The following DCLRE1A variants were observed in gnomAD, a reference collection of about 807,000 sequenced individuals.
DCLRE1A encodes the protein DNA cross-link repair 1A.
In DCLRE1A, 64 loss-of-function variants were observed where a neutral mutation model predicts 91.9. The ratio of observed to expected loss-of-function variants is 0.70; its 90% CI spans 0.57 to 0.86. DCLRE1A has a LOEUF of 0.86. DCLRE1A is among the 40% of genes least tolerant of loss of function. The pLI, the probability that DCLRE1A is intolerant of heterozygous loss-of-function variation, is 0.00. For synonymous variants in DCLRE1A, 416 were observed against 431.1 expected (o/e 0.96, Z 0.43); for missense variants, 1,145 against 1,213.3 (o/e 0.94, Z 0.84).
At chr10:113,842,300 CT>C in intron 6 of DCLRE1A, 42 bp downstream of exon 6, 1 of 1,499,452 alleles carries the variant, frequency 6.7e-7, no homozygotes, top group Middle Eastern at 1.9e-4. Flanking sequence ...AGAATCTGAT[CT>C]TTATAATATA....
At chr10:113,848,268 G>A (rs1845574783) in intron 2 of DCLRE1A, among the ~76,000 whole-genome samples, 1 of 152,108 alleles carries the variant, frequency 6.6e-6, no homozygotes. Context: ...AGTGAGCTGA[G>A]ATCGCGCCAC....
Position 113,847,239 on chromosome 10 carries a change from A to G in DCLRE1A, c.2222T>C (p.Leu741Ser). 2 of 1,613,572 alleles carry G rather than the reference A, an allele frequency of 1.2e-6. No individual in the cohort carries two copies. The highest frequency in any genetic ancestry group is 1.7e-6 in the Non-Finnish European group (2 of 1,179,632). ...THFHSDHYAG[L>S]SKHFTFPVYC... Reference sequence around the variant, plus strand: ...AACTGGAAATGTGAAGTGTTTAGACAATCCAGCATAATGATCAGAATGAAA... The same window carrying G: ...AACTGGAAATGTGAAGTGTTTAGACGATCCAGCATAATGATCAGAATGAAA... Residue 741 changes from leucine (L) to serine (S), a missense_variant, in exon 3 of 9, where the codon TTG becomes TCG. Transcript: ENST00000361384.
In DCLRE1A at chr10:113,850,295, TA is replaced by T. The variant is rs779479689; in HGVS notation, c.809del (p.Leu270GlnfsTer15). On this transcript the variant is annotated frameshift_variant, in exon 2 of 9. Coordinates refer to ENST00000361384, the MANE Select transcript of DCLRE1A (RefSeq NM_014881.5). LOFTEE classifies it high-confidence loss of function. ...QFTDFVENDK[L>X]VGVALRLANN... ...TTGCAAGACGCAAAGCAACTCCCAC[TA>T]GTTTGTCATTCTCAACAAAATCTGT... 6 of 1,614,202 alleles carry T rather than the reference TA, an allele frequency of 3.7e-6. No homozygotes were observed. The highest frequency in any genetic ancestry group is 5.1e-6 in the Non-Finnish European group (6 of 1,180,038).
chr10:113,843,005 T>TA (rs1491503022), intron 5 of DCLRE1A, among the ~76,000 whole-genome samples: 1 of 143,934 alleles, frequency 6.9e-6, no homozygotes, highest in African/African-American at 2.6e-5. Context: ...ATACTATGTG[T>TA]ATATATATGT....
chr10:113,842,883 TA>T (rs1206561852), intron 5 of DCLRE1A, among the ~76,000 whole-genome samples: 1 of 152,012 alleles, frequency 6.6e-6, no homozygotes, highest in African/African-American at 2.4e-5. Flanking sequence ...AGACTGTCAA[TA>T]AAAAATGATT....
intron 1 of DCLRE1A, among the ~76,000 whole-genome samples, chr10:113,851,811 G>C (rs1406401038): frequency 6.7e-6 from 1 of 150,128 alleles, no homozygotes; most frequent in Middle Eastern, 3.4e-3. Context: ...CTACAGCCTC[G>C]ACCTCTTGGG....
chr10:113,836,372 T>C (rs1465797050), intron 8 of DCLRE1A, among the ~76,000 whole-genome samples: 1 of 151,828 alleles, frequency 6.6e-6, no homozygotes, highest in East Asian at 1.9e-4. Context: ...TTCAGGAAAA[T>C]ATGGAAGAAA....
At chr10:113,841,629 A>G (rs759805611) in intron 6 of DCLRE1A, 69 bp from the exon 7 acceptor site, 6 of 1,469,830 alleles carry the variant, frequency 4.1e-6, no homozygotes, top group Admixed American at 2.4e-5. Flanking sequence ...AGCTTAAGCA[A>G]ATTTTAAGGT....
Position 113,842,507 on chromosome 10 carries a change from G to A in DCLRE1A, c.2520-19C>T, listed in dbSNP as rs199662781. Reference sequence around the variant, plus strand: ...ACAATATCTGTGGTATGGAAACATGGTACTTACTAAAAGAACAATAAAAAA... The same window carrying A: ...ACAATATCTGTGGTATGGAAACATGATACTTACTAAAAGAACAATAAAAAA... On this transcript the variant is annotated intron_variant, in intron 5 of 8. Coordinates refer to ENST00000361384, the MANE Select transcript of DCLRE1A (RefSeq NM_014881.5). The A allele has an allele frequency of 1.9e-4, 309 of 1,603,890 alleles. 1 individual carries two copies. The African/African-American group carries it at 3.8e-3, about 20-fold the overall frequency.
At chr10:113,854,347 G>T (rs1368906477), upstream of DCLRE1A, 1 of 152,322 alleles carries the variant, frequency 6.6e-6, no homozygotes, top group East Asian at 1.9e-4. Context: ...ATCCCTACCC[G>T]CTTTACCTTT....
Position 113,847,314 on chromosome 10 carries a change from G to C in DCLRE1A, c.2147C>G (p.Ala716Gly), listed in dbSNP as rs960905057. ...KIPGTGFTVDAFQYGVVEGCT... is the reference protein window; with the variant it reads ...KIPGTGFTVDGFQYGVVEGCT... ...ACCTTCAACCACGCCATACTGAAAG[G>C]CATCAACTGTAAAGCCGGTTCCTGC... The change falls in exon 3 of 9, where the codon GCC (alanine) becomes GGC (glycine). Residue 716 changes from alanine (A) to glycine (G), a missense_variant. By Grantham distance (60) the Ala-to-Gly change is moderately conservative. Transcript: ENST00000361384. 6.2e-7 allele frequency: 1 copy of C among 1,613,770 alleles called. No homozygotes were observed.
rs1378091183 is a variant in DCLRE1A at position 113,853,118 on chromosome 10, A to C, written c.65T>G (p.Val22Gly). 6.3e-7 allele frequency: 1 copy of C among 1,598,312 alleles called. No individual in the cohort carries two copies. Residue 22 changes from valine to glycine, a missense_variant, in exon 1 of 9, where the codon GTT becomes GGT. Transcript: ENST00000361384. ...ATTTTTAGAGCCATTATTTGGATCA[A>C]CTCGTTTTGGTTTTCTTTTAGATTT... ...EYKSKRKPKRVDPNNGSKNIL... is the reference protein window; with the variant it reads ...EYKSKRKPKRGDPNNGSKNIL...
chr10:113,837,105 T>C lies in DCLRE1A; in HGVS notation c.2919A>G (p.Ile973Met). 6.2e-7 allele frequency: 1 copy of C among 1,612,938 alleles called. No homozygotes were observed. Among genetic ancestry groups the C allele is most frequent in the South Asian group, 1.1e-5 (1 of 90,812 alleles). The change falls in exon 8 of 9, where the codon ATA becomes ATG. Residue 973 changes from isoleucine (I) to methionine (M), a missense_variant. Ile to Met is a conservative substitution (Grantham distance 10, BLOSUM62 1). Coordinates refer to ENST00000361384, the MANE Select transcript of DCLRE1A (RefSeq NM_014881.5). ...GWTHSNKFTRIADVIPQTKGN... is the reference protein window; with the variant it reads ...GWTHSNKFTRMADVIPQTKGN... Reference sequence around the variant, plus strand: ...CTTTGGTCTGGGGAATAACATCTGCTATTCTAGTGAACTTGTTAGAGTGTG... The same window carrying C: ...CTTTGGTCTGGGGAATAACATCTGCCATTCTAGTGAACTTGTTAGAGTGTG...
intron 8 of DCLRE1A, among the ~76,000 whole-genome samples, chr10:113,835,673 G>A (rs1429843780): frequency 2.6e-5 from 4 of 152,096 alleles, no homozygotes; most frequent in East Asian, 3.9e-4. Flanking sequence ...GGTGGCTCAC[G>A]CCTGTAATCC....
In DCLRE1A at chr10:113,849,456, G is replaced by C; in HGVS notation, c.1649C>G (p.Ser550Cys). Residue 550 changes from serine to cysteine, a missense_variant, in exon 2 of 9, where the codon TCT (serine) becomes TGT (cysteine). Transcript: ENST00000361384. ...SGLKYNARHP[S>C]TKVMKQMDIG... ...ATCCATTTGCTTCATTACCTTGGTA[G>C]AAGGATGTCTTGCATTATACTTAAG... The C allele has an allele frequency of 6.2e-7, 1 of 1,614,124 alleles. No homozygotes were observed. Among genetic ancestry groups the C allele is most frequent in the Non-Finnish European group, 8.5e-7 (1 of 1,180,020 alleles).
Position 113,850,565 on chromosome 10 carries a change from G to A in DCLRE1A, c.540C>T (p.Ser180=), listed in dbSNP as rs779459921. The change falls in exon 2 of 9, where the codon AGC becomes AGT. Residue 180 remains serine (S), a synonymous_variant. Transcript: ENST00000361384. ...TGCTAAAAGGATGATCACCAGCCCTGCTTTGAGCTAGCAGGAAGTGAGTGT... is the reference window on the plus strand; with the variant it reads ...TGCTAAAAGGATGATCACCAGCCCTACTTTGAGCTAGCAGGAAGTGAGTGT... ...KRYTHFLLAQ[S]RAGDHPFSSP... is the part of the protein sequence containing the mutation. 6.2e-7 allele frequency: 1 copy of A among 1,614,090 alleles called. No homozygotes were observed. The highest frequency in any genetic ancestry group is 1.1e-5 in the South Asian group (1 of 91,050).
At position 113,852,892 on chromosome 10, in the gene DCLRE1A, A is replaced by G; in HGVS notation, c.291T>C (p.Thr97=). Reference sequence around the variant, plus strand: ...TTTGAGTTCTACAGAGTTTTCCTGGAGTAGTTTCCTTGTCTTGGGTCTGCT... The same window carrying G: ...TTTGAGTTCTACAGAGTTTTCCTGGGGTAGTTTCCTTGTCTTGGGTCTGCT... The part of the protein sequence containing the change: ...GIQQTQDKET[T]PGKLCRTQKS... Residue 97 remains threonine (T), a synonymous_variant, in exon 1 of 9, where the codon ACT becomes ACC. Coordinates refer to ENST00000361384, the MANE Select transcript of DCLRE1A (RefSeq NM_014881.5). The G allele has an allele frequency of 6.2e-7, 1 of 1,614,116 alleles. No homozygotes were observed. Among genetic ancestry groups the G allele is most frequent in the Non-Finnish European group, 8.5e-7 (1 of 1,180,018 alleles).
Position 113,849,346 on chromosome 10 carries a change from G to GA in DCLRE1A, c.1758dup (p.Pro587SerfsTer6). ...CTCTTTTGATTAGGACTTGGAACTG[G>GA]ATTTAAGTTTATCCCTTCTAATGCA... On this transcript the variant is annotated frameshift_variant, in exon 2 of 9. Transcript: ENST00000361384. LOFTEE classifies it high-confidence loss of function. 6.2e-7 allele frequency: 1 copy of GA among 1,614,098 alleles called. No individual in the cohort carries two copies. Among genetic ancestry groups the GA allele is most frequent in the Admixed American group, 1.7e-5 (1 of 60,024 alleles).
chr10:113,846,408 C>A (rs1845538446), intron 3 of DCLRE1A, among the ~76,000 whole-genome samples: 1 of 152,172 alleles, frequency 6.6e-6, no homozygotes. Flanking sequence ...TTAAAATGTT[C>A]ACTTTTTAAT....
Sources: gnomAD v4.1 joint callset for allele counts (sites outside exome capture counted in the v4.1 genomes callset) on GRCh38, gnomAD v4.1.1 for gene constraint, MANE v1.5 for transcripts, NCBI Gene and HGNC (gene_info 2026-07-23, HGNC 2026-07-21) for gene names.